Variants in PTPRT observed in about 807,000 individuals in gnomAD.
PTPRT encodes the protein receptor-type tyrosine-protein phosphatase T.
A neutral mutation model predicts 176.8 loss-of-function variants in PTPRT; 56 were observed. The ratio of observed to expected loss-of-function variants is 0.32; its 90% confidence interval spans 0.26 to 0.40. The LOEUF is 0.40. Ranked by LOEUF, PTPRT falls within the 10% of genes least tolerant of loss-of-function variation. The pLI, the probability that PTPRT is intolerant of heterozygous loss-of-function variation, is 1.00. For synonymous variants in PTPRT, 783 were observed against 739.0 expected (o/e 1.06, Z -0.96); for missense variants, 1,540 against 1,908.2 (o/e 0.81, Z 3.60).
At chr20:43,178,068 G>A (rs575611833) in intron 1 of PTPRT, among the ~76,000 whole-genome samples, 9 of 152,310 alleles carry the variant, frequency 5.9e-5, no homozygotes, top group Admixed American at 5.9e-4. Flanking sequence ...TGTAGTATCT[G>A]GATTTGGTTG....
At chr20:42,193,126 G>C (rs6102723) in intron 16 of PTPRT, among the ~76,000 whole-genome samples, 3,496 of 152,322 alleles carry the variant, frequency 0.023, 133 homozygotes, top group African/African-American at 0.078. Flanking sequence ...TTATCTATTT[G>C]TCATATGACT....
intron 6 of PTPRT, among the ~76,000 whole-genome samples, chr20:42,712,194 C>T (rs916186508): frequency 2.0e-5 from 3 of 152,176 alleles, no homozygotes; most frequent in African/African-American, 7.2e-5. Flanking sequence ...TCTCAACAGG[C>T]TCCCGAAGAG....
At chr20:42,511,389 AC>A (rs1014929770) in intron 7 of PTPRT, among the ~76,000 whole-genome samples, 1 of 152,126 alleles carries the variant, frequency 6.6e-6, no homozygotes, top group African/African-American at 2.4e-5. Context: ...GGGAATGGAG[AC>A]CAGGAACACT....
chr20:42,161,677 G>A, intron 16 of PTPRT, 135 bp from the exon 17 acceptor site: 1 of 798,878 alleles, frequency 1.3e-6, no homozygotes, highest in Non-Finnish European at 1.9e-6. Flanking sequence ...AACTGCAAAA[G>A]GATTGGAGAT....
chr20:42,201,975 G>GTGTGTGTGTGTGTGTGTGTGTA (rs1380398908), intron 15 of PTPRT, among the ~76,000 whole-genome samples: 1 of 151,302 alleles, frequency 6.6e-6, no homozygotes, highest in African/African-American at 2.4e-5. Context: ...GTGTGTGTGT[G>GTGTGTGTGTGTGTGTGTGTGTA]TGTATGTATG....
At chr20:42,071,471 C>T (rs1326690306), downstream of PTPRT, among the ~76,000 whole-genome samples, 1 of 152,062 alleles carries the variant, frequency 6.6e-6, no homozygotes, top group Admixed American at 6.6e-5. Flanking sequence ...TCACCTGGGG[C>T]ACTTGCTGAA....
At chr20:43,168,593 T>A (rs2014916848) in intron 1 of PTPRT, among the ~76,000 whole-genome samples, 1 of 152,182 alleles carries the variant, frequency 6.6e-6, no homozygotes, top group Non-Finnish European at 1.5e-5. Context: ...GGCTATAAAT[T>A]CATTCTCCCT....
At chr20:42,148,803 A>G (rs61534070) in intron 17 of PTPRT, among the ~76,000 whole-genome samples, 20,368 of 152,122 alleles carry the variant, frequency 0.13, 3,508 homozygotes, top group African/African-American at 0.4. Context: ...AAAATGACCA[A>G]ACACCCCCAT....
At chr20:42,708,645 C>T (rs1307556379) in intron 6 of PTPRT, among the ~76,000 whole-genome samples, 1 of 152,226 alleles carries the variant, frequency 6.6e-6, no homozygotes, top group Non-Finnish European at 1.5e-5. Flanking sequence ...CTGTCTTGGT[C>T]TTTCTCTTTC....
At chr20:42,575,943 T>C (rs1233813757) in intron 7 of PTPRT, among the ~76,000 whole-genome samples, 2 of 152,118 alleles carry the variant, frequency 1.3e-5, no homozygotes, top group East Asian at 3.9e-4. Flanking sequence ...AGAGTGAGCA[T>C]ATAAAATGCA....
In PTPRT at chr20:42,587,623, A is replaced by G. The variant is rs537696514; in HGVS notation, c.1153+90243T>C. ...TCACAGACACAGCTCCAAGCCCCAG[A>G]CTTATCCTGAGCCCTAACCCTGGGC... On this transcript the variant is annotated intron_variant, in intron 7 of 30. Transcript: ENST00000373187. Among the ~76,000 whole-genome samples the G allele has an allele frequency of 3.9e-5, 6 of 152,170 alleles. No homozygotes were observed. In the East Asian group the frequency reaches 1.2e-3, roughly 30 times the overall value.
intron 5 of PTPRT, among the ~76,000 whole-genome samples, chr20:42,767,920 G>C (rs1358066786): frequency 7.3e-6 from 1 of 136,612 alleles, no homozygotes; most frequent in African/African-American, 2.7e-5. Flanking sequence ...ATATAATTAT[G>C]TTACATGATA....
intron 1 of PTPRT, among the ~76,000 whole-genome samples, chr20:42,946,343 C>A (rs969528706): frequency 2.0e-5 from 3 of 152,198 alleles, no homozygotes; most frequent in Non-Finnish European, 4.4e-5. Context: ...CCAGCCCTGG[C>A]CAGTCCTGGG....
chr20:42,806,267 T>C (rs1205873863), intron 2 of PTPRT, among the ~76,000 whole-genome samples: 1 of 152,024 alleles, frequency 6.6e-6, no homozygotes, highest in African/African-American at 2.4e-5. Flanking sequence ...AGGTGGATCA[T>C]GAGGTCAGGA....
chr20:42,067,626 A>C, the PTPRT span, among the ~76,000 whole-genome samples: 1 of 152,208 alleles, frequency 6.6e-6, no homozygotes, highest in Admixed American at 6.5e-5. Flanking sequence ...ATGAGATGGC[A>C]GGACTCCTGT....
At chr20:42,379,175 C>G (rs1406344500) in intron 9 of PTPRT, among the ~76,000 whole-genome samples, 1 of 152,260 alleles carries the variant, frequency 6.6e-6, no homozygotes, top group African/African-American at 2.4e-5. Flanking sequence ...CACAAAGTGC[C>G]TCTGTGCCTT....
intron 1 of PTPRT, among the ~76,000 whole-genome samples, chr20:43,069,277 A>G (rs1329462971): frequency 6.6e-6 from 1 of 152,188 alleles, no homozygotes. Flanking sequence ...CAGCTGGGAC[A>G]CTTCGTAGCC....
rs531738894 is a variant in PTPRT, at chr20:42,201,830, G to A, written c.2343-2442C>T. Among the ~76,000 whole-genome samples the A allele has an allele frequency of 2.0e-5, 3 of 151,902 alleles. No homozygotes were observed. In the East Asian group the frequency reaches 5.8e-4, roughly 29 times the overall value. ...ACTAGCTGAACCCAACAAGTCAGAA[G>A]TGGCAAGTGATCTTTTTGACAGACT... On this transcript the variant is annotated intron_variant, in intron 15 of 30. Transcript: ENST00000373187.
chr20:42,911,080 C>T (rs1211198403), intron 1 of PTPRT, among the ~76,000 whole-genome samples: 1 of 152,122 alleles, frequency 6.6e-6, no homozygotes, highest in Non-Finnish European at 1.5e-5. Flanking sequence ...CCTGGTCTCT[C>T]CCTTGACACA....
Sources: allele counts gnomAD v4.1 joint callset (sites outside exome capture counted in the v4.1 genomes callset), GRCh38; gene constraint gnomAD v4.1.1; transcripts MANE v1.5; gene names NCBI Gene and HGNC (gene_info 2026-07-23, HGNC 2026-07-21).